PRKG1: variants seen among roughly 807,000 people sequenced by gnomAD.
PRKG1 encodes the protein protein kinase cGMP-dependent 1.
In PRKG1, 35 loss-of-function variants were observed where a neutral mutation model predicts 88.1. That is an observed-to-expected ratio of 0.40 (90% CI 0.30 to 0.53). The LOEUF is 0.53. PRKG1 is among the 20% of genes least tolerant of loss of function. The probability of loss-of-function intolerance (pLI) is 0.59; values close to 1 mark genes in which losing one functional copy is unlikely to be tolerated. For synonymous variants in PRKG1, 303 were observed against 292.5 expected (o/e 1.04, Z -0.37); for missense variants, 540 against 839.8 (o/e 0.64, Z 4.41).
At chr10:51,621,910 G>T (rs1270649799) in intron 3 of PRKG1, among the ~76,000 whole-genome samples, 1 of 152,080 alleles carries the variant, frequency 6.6e-6, no homozygotes, top group Non-Finnish European at 1.5e-5. Context: ...GTTAAACTTG[G>T]ACTCTTGATT....
At chr10:52,199,619 C>G (rs1839605991) in intron 9 of PRKG1, among the ~76,000 whole-genome samples, 1 of 152,094 alleles carries the variant, frequency 6.6e-6, no homozygotes, top group Non-Finnish European at 1.5e-5. Flanking sequence ...TTGCCGGAGC[C>G]CTACAGGAAG....
At chr10:51,217,037 G>A (rs1233480329) in intron 2 of PRKG1, among the ~76,000 whole-genome samples, 1 of 152,090 alleles carries the variant, frequency 6.6e-6, no homozygotes, top group East Asian at 1.9e-4. Context: ...GATCTCCTGT[G>A]CAGATAGTCA....
At chr10:51,588,213 A>ATT (rs541504921) in intron 3 of PRKG1, among the ~76,000 whole-genome samples, 36 of 151,148 alleles carry the variant, frequency 2.4e-4, no homozygotes, top group African/African-American at 8.7e-4. Flanking sequence ...TACAGTGCAC[A>ATT]TTTTTTTTTA....
chr10:51,262,993 A>G (rs1306161911), intron 2 of PRKG1, among the ~76,000 whole-genome samples: 1 of 152,146 alleles, frequency 6.6e-6, no homozygotes, highest in Non-Finnish European at 1.5e-5. Flanking sequence ...TTATTAATCT[A>G]GTGCTGTTAT....
intron 2 of PRKG1, among the ~76,000 whole-genome samples, chr10:51,249,268 T>G (rs150228869): frequency 1.3e-5 from 2 of 151,994 alleles, no homozygotes; most frequent in East Asian, 3.9e-4. Flanking sequence ...GTCATCCCCA[T>G]GGACCCAAAT....
chr10:51,297,948 A>G, intron 2 of PRKG1, among the ~76,000 whole-genome samples: 1 of 152,080 alleles, frequency 6.6e-6, no homozygotes, highest in East Asian at 1.9e-4. Flanking sequence ...GTCCTTACCT[A>G]CACTTGTTAC....
intron 8 of PRKG1, among the ~76,000 whole-genome samples, chr10:52,150,635 G>GA (rs768614259): frequency 9.2e-5 from 14 of 152,188 alleles, no homozygotes; most frequent in Non-Finnish European, 1.8e-4. Flanking sequence ...AATGAGAGCA[G>GA]AAATAAAAAG....
rs146013401 is a variant in PRKG1, at chr10:51,025,221, A to G, written c.266+33577A>G. Among the ~76,000 whole-genome samples, 30 of 152,298 alleles carry G rather than the reference A, an allele frequency of 2.0e-4. No homozygotes were observed. The East Asian group carries it at 5.8e-3, about 29-fold the overall frequency. On this transcript the variant is annotated intron_variant, in intron 1 of 17. Transcript: ENST00000401604. ...TCCATTACAATTTCCTATATAGTGA[A>G]ATATCAAAATTCCAAACTTCTCCTC...
intron 3 of PRKG1, among the ~76,000 whole-genome samples, chr10:51,589,643 A>G (rs1838258687): frequency 6.6e-6 from 1 of 152,150 alleles, no homozygotes; most frequent in Non-Finnish European, 1.5e-5. Context: ...CAAAAAAAAG[A>G]ACAATGCAAT....
chr10:52,182,750 T>C (rs992568277), intron 9 of PRKG1, among the ~76,000 whole-genome samples: 1 of 149,442 alleles, frequency 6.7e-6, no homozygotes, highest in South Asian at 2.2e-4. Flanking sequence ...GTTGTAGATA[T>C]GCGGCATTAT....
chr10:52,188,181 T>C (rs532511671), intron 9 of PRKG1, among the ~76,000 whole-genome samples: 2 of 146,452 alleles, frequency 1.4e-5, no homozygotes, highest in South Asian at 4.3e-4. Flanking sequence ...ATGGGTATGA[T>C]ATCTATGTAT....
At chr10:51,989,232 G>T (rs1460361463) in intron 5 of PRKG1, among the ~76,000 whole-genome samples, 2 of 152,052 alleles carry the variant, frequency 1.3e-5, no homozygotes, top group Non-Finnish European at 2.9e-5. Context: ...AAGTAAGTAG[G>T]TGAAGCTAGA....
intron 3 of PRKG1, among the ~76,000 whole-genome samples, chr10:51,564,042 T>A (rs1837536422): frequency 6.6e-6 from 1 of 152,180 alleles, no homozygotes. Flanking sequence ...TCAGGTCAGC[T>A]AAGAGAATCA....
intron 3 of PRKG1, among the ~76,000 whole-genome samples, chr10:51,485,394 G>A (rs1417614306): frequency 1.3e-5 from 2 of 152,138 alleles, no homozygotes; most frequent in African/African-American, 4.8e-5. Context: ...ATCTTCCGCG[G>A]AGGGTGGTTA....
At chr10:51,014,630 C>T (rs1843034676) in intron 1 of PRKG1, among the ~76,000 whole-genome samples, 1 of 152,112 alleles carries the variant, frequency 6.6e-6, no homozygotes, top group African/African-American at 2.4e-5. Context: ...GCACAAATTA[C>T]TGAAGGCAGT....
chr10:51,140,577 A>G (rs931336964), intron 1 of PRKG1, among the ~76,000 whole-genome samples: 2 of 152,224 alleles, frequency 1.3e-5, no homozygotes, highest in South Asian at 2.1e-4. Flanking sequence ...TGGGAGGATT[A>G]GGTGAGATAA....
intron 1 of PRKG1, among the ~76,000 whole-genome samples, chr10:51,076,476 A>G (rs1843955499): frequency 3.3e-5 from 5 of 152,198 alleles, no homozygotes; most frequent in Admixed American, 3.3e-4. Context: ...TAACTCAAAG[A>G]CAGCTCTCTG....
At chr10:51,035,399 G>A (rs527450562) in intron 1 of PRKG1, among the ~76,000 whole-genome samples, 3 of 152,226 alleles carry the variant, frequency 2.0e-5, no homozygotes, top group African/African-American at 7.2e-5. Flanking sequence ...TTCATAATTT[G>A]TTGGTCATAA....
chr10:51,991,354 T>C (rs1377463068), intron 5 of PRKG1, among the ~76,000 whole-genome samples: 1 of 152,146 alleles, frequency 6.6e-6, no homozygotes, highest in Non-Finnish European at 1.5e-5. Flanking sequence ...ATAAAAATGG[T>C]GAAAGTAGTC....
Sources: gnomAD v4.1 joint callset for allele counts (sites outside exome capture counted in the v4.1 genomes callset) on GRCh38, gnomAD v4.1.1 for gene constraint, MANE v1.5 for transcripts, NCBI Gene and HGNC (gene_info 2026-07-23, HGNC 2026-07-21) for gene names.